The following GRID1 variants were observed in gnomAD, a reference collection of about 807,000 sequenced individuals.
GRID1 encodes glutamate receptor ionotropic, delta-1.
GRID1 carries 28 observed loss-of-function variants against 98.0 expected under a neutral mutation model. That is an observed-to-expected ratio of 0.29 (90% CI 0.21 to 0.39). GRID1 has a LOEUF of 0.39. Ranked by LOEUF, GRID1 falls within the 10% of genes least tolerant of loss-of-function variation. The pLI, the probability that GRID1 is intolerant of heterozygous loss-of-function variation, is 1.00. For synonymous variants in GRID1, 553 were observed against 538.5 expected (o/e 1.03, Z -0.37); for missense variants, 1,111 against 1,340.5 (o/e 0.83, Z 2.67).
chr10:85,718,171 G>C (rs537156207), intron 12 of GRID1, among the ~76,000 whole-genome samples: 1 of 152,330 alleles, frequency 6.6e-6, no homozygotes, highest in East Asian at 1.9e-4. Flanking sequence ...GCTCCGCTAG[G>C]CAGTGCCCCA....
At position 86,269,313 on chromosome 10, in the gene GRID1, C is replaced by T. The variant is rs371647553; in HGVS notation, c.236-62665G>A. ...GCCCTGGACTGGGCAGGCTCCAGCA[C>T]GGCCAGGTAACTGAGGATAGGCTGT... is the stretch of plus-strand genomic sequence containing the variant. On this transcript the variant is annotated intron_variant, in intron 2 of 15. Transcript: ENST00000327946. Among the ~76,000 whole-genome samples the T allele has an allele frequency of 1.2e-4, 18 of 152,292 alleles. No homozygotes were observed. In the South Asian group the frequency reaches 1.9e-3, roughly 16 times the overall value.
intron 12 of GRID1, among the ~76,000 whole-genome samples, chr10:85,656,621 C>T (rs528914299): frequency 6.6e-6 from 1 of 152,188 alleles, no homozygotes; most frequent in East Asian, 1.9e-4. Flanking sequence ...CTCTAGTTCT[C>T]CCATGTCAAT....
intron 4 of GRID1, among the ~76,000 whole-genome samples, chr10:85,933,687 G>A (rs558774335): frequency 2.0e-5 from 3 of 152,128 alleles, no homozygotes; most frequent in Non-Finnish European, 2.9e-5. Context: ...TTGGGCGCAG[G>A]CTCGATTTAT....
intron 2 of GRID1, among the ~76,000 whole-genome samples, chr10:86,330,849 C>G (rs1164547365): frequency 6.6e-6 from 1 of 152,228 alleles, no homozygotes. Flanking sequence ...TACAACTGCC[C>G]TGGCAGGTGA....
At chr10:86,113,184 T>G (rs1463952481) in intron 4 of GRID1, among the ~76,000 whole-genome samples, 1 of 152,170 alleles carries the variant, frequency 6.6e-6, no homozygotes, top group Non-Finnish European at 1.5e-5. Context: ...ATGGGTCATG[T>G]CATTGCCCTA....
intron 5 of GRID1, among the ~76,000 whole-genome samples, chr10:85,913,295 T>G (rs35164238): frequency 0.16 from 24,761 of 152,162 alleles, 2,155 homozygotes; most frequent in Middle Eastern, 0.31. Flanking sequence ...ATGGAAAAAT[T>G]TGGAGCCAGA....
intron 2 of GRID1, among the ~76,000 whole-genome samples, chr10:86,337,436 A>G (rs1848238639): frequency 6.6e-6 from 1 of 151,926 alleles, no homozygotes; most frequent in Non-Finnish European, 1.5e-5. Flanking sequence ...TTCCAACCAC[A>G]CTGGGCCCCA....
intron 4 of GRID1, among the ~76,000 whole-genome samples, chr10:86,093,421 G>A (rs1844175985): frequency 6.7e-6 from 1 of 149,482 alleles, no homozygotes; most frequent in Non-Finnish European, 1.5e-5. Context: ...ACAAAAAGCT[G>A]GTTCTTTGAA....
At chr10:86,199,873 G>C (rs557008510) in intron 3 of GRID1, among the ~76,000 whole-genome samples, 1 of 152,066 alleles carries the variant, frequency 6.6e-6, no homozygotes, top group African/African-American at 2.4e-5. Flanking sequence ...AGAGATGAAG[G>C]CTTTGCCTTT....
intron 5 of GRID1, among the ~76,000 whole-genome samples, chr10:85,896,141 T>C (rs1297703211): frequency 6.6e-6 from 1 of 152,202 alleles, no homozygotes; most frequent in Admixed American, 6.5e-5. Context: ...TTCACTTCTA[T>C]TGGATAAGAA....
intron 2 of GRID1, among the ~76,000 whole-genome samples, chr10:86,222,646 G>A (rs902857564): frequency 2.0e-5 from 3 of 152,190 alleles, no homozygotes; most frequent in African/African-American, 4.8e-5. Context: ...GGAGCTGTAG[G>A]AGCCCCTAAG....
rs181915335 is a variant in GRID1, at chr10:85,654,230, C to T, written c.1998-6833G>A. Among the ~76,000 whole-genome samples the T allele has an allele frequency of 5.7e-3, 869 of 152,272 alleles. 9 individuals carry two copies. Among genetic ancestry groups the T allele is most frequent in the Middle Eastern group, 0.017 (5 of 294 alleles). On this transcript the variant is annotated intron_variant, in intron 12 of 15. Coordinates refer to ENST00000327946, the MANE Select transcript of GRID1 (RefSeq NM_017551.3). ...CCTTCCCTCCATGGCGTTTTCTCTC[C>T]AAATCCCACTTCTTCAATTGCTATT...
intron 3 of GRID1, among the ~76,000 whole-genome samples, chr10:86,154,561 T>C (rs921579837): frequency 2.6e-5 from 4 of 152,112 alleles, no homozygotes; most frequent in African/African-American, 7.2e-5. Context: ...AGCAGGTGTC[T>C]CTAGAGAGTG....
At chr10:85,824,178 T>TTTTG (rs3057656) in intron 8 of GRID1, among the ~76,000 whole-genome samples, 22,381 of 151,636 alleles carry the variant, frequency 0.15, 2,043 homozygotes, top group Non-Finnish European at 0.21. Flanking sequence ...AAAGAGTTGA[T>TTTTG]TTTGTTTGTT....
At chr10:86,145,414 G>A (rs1845073835) in intron 3 of GRID1, among the ~76,000 whole-genome samples, 1 of 152,036 alleles carries the variant, frequency 6.6e-6, no homozygotes, top group Non-Finnish European at 1.5e-5. Context: ...GTAGAGAAGG[G>A]GTTTCACCAT....
At chr10:85,863,675 G>A (rs1368713840) in intron 6 of GRID1, among the ~76,000 whole-genome samples, 1 of 152,174 alleles carries the variant, frequency 6.6e-6, no homozygotes, top group Non-Finnish European at 1.5e-5. Flanking sequence ...AGGCTGCCAG[G>A]TCGATCCAGC....
At chr10:85,801,695 C>A (rs1232773665) in intron 8 of GRID1, among the ~76,000 whole-genome samples, 1 of 151,370 alleles carries the variant, frequency 6.6e-6, no homozygotes, top group Non-Finnish European at 1.5e-5. Context: ...ATAAACATAA[C>A]CATAAGTGGG....
chr10:86,305,187 T>A (rs192990171), intron 2 of GRID1, among the ~76,000 whole-genome samples: 192 of 151,520 alleles, frequency 1.3e-3, no homozygotes, highest in Non-Finnish European at 1.8e-3. Context: ...GACTGCAACA[T>A]CAACTCTCCC....
chr10:86,098,476 C>T (rs1844252130), intron 4 of GRID1, among the ~76,000 whole-genome samples: 1 of 152,312 alleles, frequency 6.6e-6, no homozygotes, highest in East Asian at 1.9e-4. Context: ...GATTATCACC[C>T]ATTTTTTATT....
Sources: gnomAD v4.1 joint callset for allele counts (sites outside exome capture counted in the v4.1 genomes callset) on GRCh38, gnomAD v4.1.1 for gene constraint, MANE v1.5 for transcripts, NCBI Gene and HGNC (gene_info 2026-07-23, HGNC 2026-07-21) for gene names.